Variants in RTN4 observed in about 807,000 individuals in gnomAD.
The protein encoded by RTN4 is reticulon-4.
RTN4 carries 32 observed loss-of-function variants against 90.4 expected under a neutral mutation model. The ratio of observed to expected loss-of-function variants is 0.35; its 90% CI spans 0.27 to 0.48. The LOEUF (loss-of-function observed/expected upper bound fraction) is 0.48. Ranked by LOEUF, RTN4 falls within the 20% of genes least tolerant of loss-of-function variation. The pLI is 0.99. For missense variants in RTN4, 1,706 were observed against 1,430.2 expected, an observed-to-expected ratio of 1.19 and a Z score of -3.11; for synonymous variants, 629 against 552.5, an observed-to-expected ratio of 1.14 and a Z score of -1.94.
At chr2:55,049,440 A>G (rs1667967350) in intron 1 of RTN4, 2 of 431,022 alleles carry the variant, frequency 4.6e-6, no homozygotes, top group Non-Finnish European at 8.8e-6. Context: ...CCCGGCTCCT[A>G]CTACGGGTGG....
intron 1 of RTN4, among the ~76,000 whole-genome samples, chr2:55,093,711 G>GAA (rs1000101002): frequency 6.6e-6 from 1 of 152,020 alleles, no homozygotes; most frequent in African/African-American, 2.4e-5. Context: ...TTGGTAAGAG[G>GAA]AAAAAGGGTA....
At chr2:55,083,983 T>C (rs1409567203) in intron 1 of RTN4, among the ~76,000 whole-genome samples, 4 of 152,210 alleles carry the variant, frequency 2.6e-5, no homozygotes, top group African/African-American at 4.8e-5. Flanking sequence ...TTTGTTCTAA[T>C]GAGGTGACTC....
At chr2:54,973,929 C>T (rs1488130176) in intron 6 of RTN4, 62 bp from the exon 7 acceptor site, 2 of 1,410,966 alleles carry the variant, frequency 1.4e-6, no homozygotes, top group Admixed American at 3.8e-5. Flanking sequence ...AATAAACACT[C>T]AAAAAACTAT....
chr2:55,071,081 T>C (rs907203755), intron 2 of RTN4, among the ~76,000 whole-genome samples: 3 of 151,650 alleles, frequency 2.0e-5, no homozygotes, highest in South Asian at 2.1e-4. Flanking sequence ...CTGCCTTTTT[T>C]TTCTTCTTTT....
rs1553429136 is a variant in RTN4 at position 54,972,192 on chromosome 2, T to TAAGTC, written c.*959_*963dup. The TAAGTC allele has an allele frequency of 6.6e-6, 1 of 152,658 alleles. No individual in the cohort carries two copies. The highest frequency in any genetic ancestry group is 1.5e-5 in the Non-Finnish European group (1 of 68,042). The allele number at this position is 152,658 out of a possible 1,614,324, so 9.5% of individuals were successfully genotyped here. A position where few individuals can be genotyped will look rare whatever the true frequency, so the allele number is the denominator to read the frequency against. On this transcript the variant is annotated 3_prime_UTR_variant, in exon 9 of 9. Transcript: ENST00000337526. Reference sequence around the variant, plus strand: ...GAAATGAAAATACCAAAGCATATTTTAAGTCTATAAGCTTTATTGATACTT... The same window carrying TAAGTC: ...GAAATGAAAATACCAAAGCATATTTTAAGTCAAGTCTATAAGCTTTATTGATACTT...
chr2:55,133,128 T>C, the RTN4 span, among the ~76,000 whole-genome samples: 1 of 152,082 alleles, frequency 6.6e-6, no homozygotes, highest in Non-Finnish European at 1.5e-5. Flanking sequence ...GGAGAATCAC[T>C]TGAACCCAGG....
chr2:55,084,303 CT>C (rs145530803), intron 1 of RTN4, among the ~76,000 whole-genome samples: 42,714 of 141,026 alleles, frequency 0.3, 6,948 homozygotes, highest in Middle Eastern at 0.4. Context: ...TCCCCCCTGC[CT>C]TTTTTTTTTT....
rs376038065 is a variant in RTN4, at chr2:54,983,045, T to C, written c.3222-392A>G. Among the ~76,000 whole-genome samples, 21 of 151,988 alleles carry C rather than the reference T, an allele frequency of 1.4e-4. 1 individual carries two copies. Among genetic ancestry groups the C allele is most frequent in the Admixed American group, 1.2e-3 (19 of 15,270 alleles). On this transcript the variant is annotated intron_variant, in intron 4 of 8. Coordinates refer to ENST00000337526, the MANE Select transcript of RTN4 (RefSeq NM_020532.5). ...TGAGCACAAGGATGCACTCAGTAAATGGTAGTTATGACTATGGTTGTTTTT... is the reference window on the plus strand; with the variant it reads ...TGAGCACAAGGATGCACTCAGTAAACGGTAGTTATGACTATGGTTGTTTTT...
chr2:55,007,860 G>T (rs1680343821), intron 3 of RTN4, among the ~76,000 whole-genome samples: 1 of 151,956 alleles, frequency 6.6e-6, no homozygotes, highest in South Asian at 2.1e-4. Flanking sequence ...TACCCAGAAA[G>T]TTATTTACTG....
At chr2:55,127,920 T>G in the RTN4 span, among the ~76,000 whole-genome samples, 4 of 152,116 alleles carry the variant, frequency 2.6e-5, no homozygotes, top group South Asian at 8.3e-4. Context: ...TGATGGCTTT[T>G]TTTTTTTTGG....
At chr2:55,126,215 C>A in the RTN4 span, among the ~76,000 whole-genome samples, 1 of 151,828 alleles carries the variant, frequency 6.6e-6, no homozygotes, top group African/African-American at 2.4e-5. Context: ...ACTGAAAATA[C>A]AAAATTAGTT....
chr2:55,075,312 C>G (rs1668580898), intron 2 of RTN4, among the ~76,000 whole-genome samples: 1 of 152,194 alleles, frequency 6.6e-6, no homozygotes, highest in African/African-American at 2.4e-5. Context: ...ATCAAGAACT[C>G]AACCCCTTTT....
Position 55,026,427 on chromosome 2 carries a change from C to T in RTN4, c.1672G>A (p.Ala558Thr), listed in dbSNP as rs1681879993. 2.5e-6 allele frequency: 4 copies of T among 1,613,804 alleles called. No individual in the cohort carries two copies. The highest frequency in any genetic ancestry group is 3.4e-6 in the Non-Finnish European group (4 of 1,179,896). ...ACTTCATTCAATTCACTTTCACATG[C>T]TTCCTGTACTAAATCTGGAGTCAGG... ...EGLTPDLVQE[A>T]CESELNEVTG... is the part of the protein sequence containing the mutation. The change falls in exon 3 of 9, where the codon GCA (alanine) becomes ACA (threonine). Residue 558 changes from alanine (A) to threonine (T), a missense_variant. Physicochemically the swap from Ala to Thr is moderately conservative, Grantham distance 58. Transcript: ENST00000337526.
intron 1 of RTN4, among the ~76,000 whole-genome samples, chr2:55,094,996 G>A (rs536677655): frequency 6.6e-6 from 1 of 152,092 alleles, no homozygotes; most frequent in East Asian, 1.9e-4. Context: ...CCGTATTATC[G>A]CCATACTCCA....
At chr2:55,106,734 G>T (rs1052886402) in intron 1 of RTN4, among the ~76,000 whole-genome samples, 7 of 152,016 alleles carry the variant, frequency 4.6e-5, no homozygotes, top group African/African-American at 1.7e-4. Context: ...TGGCTAGGCT[G>T]GTCTCGAACA....
At chr2:55,037,825 G>C (rs10175952) in intron 1 of RTN4, among the ~76,000 whole-genome samples, 19,555 of 151,924 alleles carry the variant, frequency 0.13, 2,036 homozygotes, top group African/African-American at 0.29. Flanking sequence ...AAATACTAAG[G>C]GACCTAGAAG....
chr2:55,011,673 C>G (rs1267937986), intron 3 of RTN4, among the ~76,000 whole-genome samples: 2 of 151,976 alleles, frequency 1.3e-5, no homozygotes, highest in East Asian at 1.9e-4. Context: ...AATATATACT[C>G]CTATTATGTA....
chr2:55,030,440 G>C (rs897275722), intron 1 of RTN4, among the ~76,000 whole-genome samples: 1 of 152,086 alleles, frequency 6.6e-6, no homozygotes, highest in African/African-American at 2.4e-5. Flanking sequence ...ACTATCTTCT[G>C]GGACTTCAAG....
At chr2:55,108,351 T>G (rs1477894458) in intron 1 of RTN4, among the ~76,000 whole-genome samples, 1 of 152,106 alleles carries the variant, frequency 6.6e-6, no homozygotes, top group Non-Finnish European at 1.5e-5. Flanking sequence ...CCCCAAATTC[T>G]AAGCTAGAGA....
Sources: gnomAD v4.1 joint callset for allele counts (sites outside exome capture counted in the v4.1 genomes callset) on GRCh38, gnomAD v4.1.1 for gene constraint, MANE v1.5 for transcripts, NCBI Gene and HGNC (gene_info 2026-07-23, HGNC 2026-07-21) for gene names.